SSTR5: variants seen among roughly 807,000 people sequenced by gnomAD.
SSTR5 encodes somatostatin receptor 5.
In SSTR5, 1 loss-of-function variant was observed where a neutral mutation model predicts 0.3. That is an observed-to-expected ratio of 2.98 (90% CI 1.06 to 14.15). The LOEUF is 14.15. Ranked by LOEUF, SSTR5 falls within the 30% of genes most tolerant of loss-of-function variation. The pLI is 0.12. For missense variants in SSTR5, 516 were observed against 543.2 expected, an observed-to-expected ratio of 0.95 and a Z score of 0.50; for synonymous variants, 256 against 263.1, an observed-to-expected ratio of 0.97 and a Z score of 0.26.
intron 1 of SSTR5, among the ~76,000 whole-genome samples, chr16:1,077,290 G>A (rs1297105148): frequency 6.6e-6 from 1 of 152,238 alleles, no homozygotes; most frequent in South Asian, 2.1e-4. Flanking sequence ...TCAGGCCGAG[G>A]TCCCCCAGGG....
Position 1,079,507 on chromosome 16 carries a change from GCTGCTGGTCAT to G in SSTR5, c.644_654del (p.Leu215ProfsTer91), listed in dbSNP as rs1567386819. ...CGGCCGTGCTGGGCTTCTTCGCGCC[GCTGCTGGTCAT>G]CTGCCTGTGCTACCTGCTCATCGTG... On this transcript the variant is annotated frameshift_variant, in exon 2 of 2. Coordinates refer to ENST00000689027, the MANE Select transcript of SSTR5 (RefSeq NM_001172560.3). LOFTEE classifies it low-confidence loss of function (END_TRUNC). 6.2e-7 allele frequency: 1 copy of G among 1,611,930 alleles called. No individual in the cohort carries two copies. The highest frequency in any genetic ancestry group is 1.3e-5 in the African/African-American group (1 of 75,044).
Sources: gnomAD v4.1 joint callset for allele counts (sites outside exome capture counted in the v4.1 genomes callset) on GRCh38, gnomAD v4.1.1 for gene constraint, MANE v1.5 for transcripts, NCBI Gene and HGNC (gene_info 2026-07-23, HGNC 2026-07-21) for gene names.